Variants in ATXN1 observed in about 807,000 individuals in gnomAD.
ATXN1 encodes ataxin-1.
A neutral mutation model predicts 56.4 loss-of-function variants in ATXN1; 8 were observed. That is an observed-to-expected ratio of 0.14 (90% CI 0.08 to 0.26). ATXN1 has a LOEUF of 0.26. Among genes scored for constraint, ATXN1 ranks in the 10% least tolerant of loss-of-function variants. The pLI is 1.00. For missense variants in ATXN1, 987 were observed against 1,106.5 expected (o/e 0.89, Z 1.53); for synonymous variants, 514 against 494.6 (o/e 1.04, Z -0.52).
At chr6:16,459,629 C>T (rs958415830) in intron 6 of ATXN1, among the ~76,000 whole-genome samples, 3 of 152,176 alleles carry the variant, frequency 2.0e-5, no homozygotes, top group African/African-American at 4.8e-5. Flanking sequence ...CTGCCTTCTG[C>T]GTTCCTCTGC....
chr6:16,673,042 G>T (rs902470755), intron 2 of ATXN1, among the ~76,000 whole-genome samples: 1 of 137,478 alleles, frequency 7.3e-6, no homozygotes, highest in African/African-American at 2.7e-5. Flanking sequence ...AAAAAGAAAA[G>T]AAAAGAAAGA....
At chr6:16,727,432 G>A (rs1759874368) in intron 2 of ATXN1, among the ~76,000 whole-genome samples, 1 of 152,104 alleles carries the variant, frequency 6.6e-6, no homozygotes, top group Non-Finnish European at 1.5e-5. Flanking sequence ...ACTGGGCTCA[G>A]AGAAGACATC....
intron 6 of ATXN1, among the ~76,000 whole-genome samples, chr6:16,353,407 G>A (rs1761613443): frequency 6.6e-6 from 1 of 152,158 alleles, no homozygotes; most frequent in Admixed American, 6.5e-5. Context: ...CGGCATGGTG[G>A]CTCACACCTG....
At chr6:16,391,557 T>A (rs905057304) in intron 6 of ATXN1, among the ~76,000 whole-genome samples, 20 of 152,176 alleles carry the variant, frequency 1.3e-4, no homozygotes, top group African/African-American at 4.8e-4. Context: ...AATTTAAGTA[T>A]AACTATGATT....
intron 4 of ATXN1, among the ~76,000 whole-genome samples, chr6:16,555,588 G>T (rs148894756): frequency 1.4e-4 from 21 of 152,198 alleles, no homozygotes; most frequent in African/African-American, 5.1e-4. Flanking sequence ...ACATGAGACC[G>T]GCTGTCAAAT....
intron 2 of ATXN1, among the ~76,000 whole-genome samples, chr6:16,678,219 G>A (rs1235294877): frequency 6.6e-6 from 1 of 152,068 alleles, no homozygotes; most frequent in Non-Finnish European, 1.5e-5. Flanking sequence ...GATTTCCGTT[G>A]ACTATCTTAT....
chr6:16,432,098 C>CA (rs1759296621), intron 6 of ATXN1, among the ~76,000 whole-genome samples: 1 of 152,170 alleles, frequency 6.6e-6, no homozygotes, highest in East Asian at 1.9e-4. Flanking sequence ...ACTTTGGCAA[C>CA]ATTAAATATG....
intron 5 of ATXN1, among the ~76,000 whole-genome samples, chr6:16,505,476 T>G (rs571242336): frequency 1.2e-4 from 18 of 152,256 alleles, no homozygotes; most frequent in Non-Finnish European, 1.8e-4. Context: ...TAAACGCATA[T>G]AAGCTTTATA....
At chr6:16,712,532 G>A (rs1206694945) in intron 2 of ATXN1, among the ~76,000 whole-genome samples, 2 of 152,140 alleles carry the variant, frequency 1.3e-5, no homozygotes, top group South Asian at 2.1e-4. Flanking sequence ...GAAGTAGAAA[G>A]TAAGAGACCT....
At chr6:16,595,943 A>C (rs1369430208) in intron 3 of ATXN1, among the ~76,000 whole-genome samples, 1 of 152,182 alleles carries the variant, frequency 6.6e-6, no homozygotes, top group Non-Finnish European at 1.5e-5. Flanking sequence ...AGGCAGTGTT[A>C]AACAGGAGCG....
intron 7 of ATXN1, among the ~76,000 whole-genome samples, chr6:16,319,942 C>G (rs1383958416): frequency 6.6e-6 from 1 of 151,598 alleles, no homozygotes; most frequent in Admixed American, 6.6e-5. Context: ...TTTCCAGCAC[C>G]AGAACAGACA....
intron 4 of ATXN1, among the ~76,000 whole-genome samples, chr6:16,557,105 C>T (rs1186878576): frequency 6.6e-6 from 1 of 152,060 alleles, no homozygotes; most frequent in African/African-American, 2.4e-5. Flanking sequence ...GGGCAGATCA[C>T]TTGAGGTCAG....
chr6:16,390,812 G>A (rs932115661), intron 6 of ATXN1, among the ~76,000 whole-genome samples: 1 of 152,006 alleles, frequency 6.6e-6, no homozygotes, highest in African/African-American at 2.4e-5. Context: ...CATCTCAGAT[G>A]TAAACTGGCG....
In ATXN1 at chr6:16,549,112, C is replaced by T. The variant is rs547631583; in HGVS notation, c.-360-26424G>A. Reference sequence around the variant, plus strand: ...CTATGACAACAGTGCCTTCTTCTTACACATCTATGGAAGGACCTGCCTGAA... The same window carrying T: ...CTATGACAACAGTGCCTTCTTCTTATACATCTATGGAAGGACCTGCCTGAA... On this transcript the variant is annotated intron_variant, in intron 4 of 7. Transcript: ENST00000436367. Among the ~76,000 whole-genome samples, 6 of 152,068 alleles carry T rather than the reference C, an allele frequency of 3.9e-5. No individual in the cohort carries two copies. In the South Asian group the frequency reaches 1.2e-3, roughly 32 times the overall value.
chr6:16,423,623 G>C (rs1448486507), intron 6 of ATXN1, among the ~76,000 whole-genome samples: 1 of 152,158 alleles, frequency 6.6e-6, no homozygotes, highest in African/African-American at 2.4e-5. Flanking sequence ...AGAGGGGAGG[G>C]TGACTTAAGG....
chr6:16,626,548 G>A (rs894504644), intron 3 of ATXN1, among the ~76,000 whole-genome samples: 2 of 152,104 alleles, frequency 1.3e-5, no homozygotes, highest in South Asian at 2.1e-4. Flanking sequence ...CACCCACCTC[G>A]GCCTCCCAAA....
intron 4 of ATXN1, among the ~76,000 whole-genome samples, chr6:16,530,660 T>G (rs1489339564): frequency 6.6e-6 from 1 of 152,186 alleles, no homozygotes; most frequent in Non-Finnish European, 1.5e-5. Flanking sequence ...TTACTAGGCT[T>G]AGTACCTGGT....
chr6:16,679,349 T>C (rs1253881299), intron 2 of ATXN1, among the ~76,000 whole-genome samples: 3 of 142,872 alleles, frequency 2.1e-5, no homozygotes, highest in Non-Finnish European at 3.1e-5. Flanking sequence ...GATGGGAGGA[T>C]AGATAGATGG....
chr6:16,541,868 G>C (rs1485851758), intron 4 of ATXN1, among the ~76,000 whole-genome samples: 1 of 152,136 alleles, frequency 6.6e-6, no homozygotes, highest in Non-Finnish European at 1.5e-5. Context: ...CTAAAACTCA[G>C]GATTTCTGAC....
Sources: allele counts gnomAD v4.1 joint callset (sites outside exome capture counted in the v4.1 genomes callset), GRCh38; gene constraint gnomAD v4.1.1; transcripts MANE v1.5; gene names NCBI Gene and HGNC (gene_info 2026-07-23, HGNC 2026-07-21).